The following IGF1R variants were observed in gnomAD, a reference collection of about 807,000 sequenced individuals.
IGF1R encodes the protein insulin like growth factor 1 receptor.
Under a neutral mutation model 144.6 loss-of-function variants are expected in IGF1R, and 44 were observed. That is an observed-to-expected ratio of 0.30 (90% CI 0.24 to 0.39). IGF1R has a LOEUF of 0.39. Among genes scored for constraint, IGF1R ranks in the 10% least tolerant of loss-of-function variants. IGF1R has a pLI of 1.00. For synonymous variants in IGF1R, 795 were observed against 722.8 expected (o/e 1.10, Z -1.60); for missense variants, 1,355 against 1,833.7 (o/e 0.74, Z 4.77).
chr15:98,843,813 GAGA>G (rs1369662992), intron 2 of IGF1R, among the ~76,000 whole-genome samples: 2 of 152,154 alleles, frequency 1.3e-5, no homozygotes, highest in Non-Finnish European at 2.9e-5. Flanking sequence ...ACAGTTGCTA[GAGA>G]AGAAGCTGCA....
chr15:98,772,455 T>G (rs1381555422), intron 2 of IGF1R, among the ~76,000 whole-genome samples: 1 of 145,864 alleles, frequency 6.9e-6, no homozygotes, highest in East Asian at 2.0e-4. Context: ...AAGGAAGACT[T>G]CATTCAAGAG....
At chr15:98,675,913 C>G (rs1167029135) in intron 1 of IGF1R, among the ~76,000 whole-genome samples, 1 of 150,988 alleles carries the variant, frequency 6.6e-6, no homozygotes, top group African/African-American at 2.4e-5. Flanking sequence ...GCAGCCTCCC[C>G]CTCCCCAGTC....
At chr15:98,872,902 G>C (rs976371533) in intron 2 of IGF1R, among the ~76,000 whole-genome samples, 1 of 151,580 alleles carries the variant, frequency 6.6e-6, no homozygotes, top group Admixed American at 6.6e-5. Context: ...ATGCAGCCAG[G>C]CTGGCATATA....
At chr15:98,751,006 A>C (rs1260258781) in intron 2 of IGF1R, among the ~76,000 whole-genome samples, 1 of 151,700 alleles carries the variant, frequency 6.6e-6, no homozygotes, top group South Asian at 2.1e-4. Flanking sequence ...GCCCAGGCTC[A>C]TCTCAAACTC....
chr15:98,849,491 C>T (rs1171134842), intron 2 of IGF1R, among the ~76,000 whole-genome samples: 1 of 152,164 alleles, frequency 6.6e-6, no homozygotes, highest in Non-Finnish European at 1.5e-5. Flanking sequence ...CTTTTTATAA[C>T]CTTGGAGCAG....
rs544408238 is a variant in IGF1R, at chr15:98,762,497, G to A, written c.640+54390G>A. 3.2e-3 allele frequency among the ~76,000 whole-genome samples: 483 copies of A among 152,324 alleles called. 2 individuals are homozygous for A. Among genetic ancestry groups the A allele is most frequent in the Non-Finnish European group, 5.2e-3 (354 of 68,034 alleles). On this transcript the variant is annotated intron_variant, in intron 2 of 20. Coordinates refer to ENST00000650285, the MANE Select transcript of IGF1R (RefSeq NM_000875.5). ...AATCCCATCACTTTGGGAGGCCAAG[G>A]CAGACAGATCACCTGAGGTCAGGAG...
intron 5 of IGF1R, 88 bp downstream of exon 5, chr15:98,899,709 C>G (rs1449613149): frequency 1.9e-5 from 26 of 1,339,834 alleles, no homozygotes; most frequent in Admixed American, 3.4e-5. Context: ...AAGAGCCCTC[C>G]CTGCCTTGTT....
intron 2 of IGF1R, among the ~76,000 whole-genome samples, chr15:98,849,947 G>A (rs1596357298): frequency 6.6e-6 from 1 of 152,306 alleles, no homozygotes; most frequent in East Asian, 1.9e-4. Flanking sequence ...TGGGAGGACG[G>A]CAGAATAGCA....
intron 2 of IGF1R, among the ~76,000 whole-genome samples, chr15:98,779,411 A>C (rs963059693): frequency 6.6e-6 from 1 of 152,222 alleles, no homozygotes; most frequent in African/African-American, 2.4e-5. Flanking sequence ...GCTCTGTGCT[A>C]TGTACCATTC....
At chr15:98,898,313 A>G (rs1333210290) in intron 4 of IGF1R, among the ~76,000 whole-genome samples, 30 of 152,230 alleles carry the variant, frequency 2.0e-4, no homozygotes, top group Non-Finnish European at 2.9e-5. Context: ...AAACCCATGG[A>G]GAAGTATCAT....
intron 2 of IGF1R, among the ~76,000 whole-genome samples, chr15:98,742,748 A>C (rs1208766881): frequency 6.6e-6 from 1 of 152,226 alleles, no homozygotes; most frequent in South Asian, 2.1e-4. Context: ...GCCTGCATCT[A>C]ATTGCACTCA....
intron 1 of IGF1R, among the ~76,000 whole-genome samples, chr15:98,688,604 A>G (rs2053396922): frequency 1.3e-5 from 2 of 152,136 alleles, no homozygotes; most frequent in African/African-American, 4.8e-5. Context: ...CCACCTTGCC[A>G]TTAGCTGGTG....
intron 2 of IGF1R, among the ~76,000 whole-genome samples, chr15:98,847,701 C>T (rs556205269): frequency 4.2e-4 from 64 of 152,212 alleles, no homozygotes; most frequent in Non-Finnish European, 7.2e-4. Context: ...GTTCCAGAAT[C>T]GTCTGGATCT....
At chr15:98,705,493 G>C (rs2053839407) in intron 1 of IGF1R, among the ~76,000 whole-genome samples, 1 of 152,166 alleles carries the variant, frequency 6.6e-6, no homozygotes. Context: ...CCTTTAAAAT[G>C]GGTGTTTGCC....
intron 1 of IGF1R, among the ~76,000 whole-genome samples, chr15:98,650,563 T>C (rs989131307): frequency 1.3e-5 from 2 of 152,206 alleles, no homozygotes; most frequent in Admixed American, 1.3e-4. Context: ...CGTTGGTGGG[T>C]GTGTGGTCGG....
At chr15:98,663,006 G>T (rs1414406411) in intron 1 of IGF1R, among the ~76,000 whole-genome samples, 1 of 152,198 alleles carries the variant, frequency 6.6e-6, no homozygotes, top group Non-Finnish European at 1.5e-5. Context: ...ATGGAGTCAG[G>T]ATTGGGGGAC....
rs184317505 is a variant in IGF1R at position 98,821,352 on chromosome 15, T to G, written c.641-69973T>G. ...CCCTGCCTCCCTAGAATTAGCTGCTTCTTACCTCCCTTGGATCTGGAACTT... is the reference window on the plus strand; with the variant it reads ...CCCTGCCTCCCTAGAATTAGCTGCTGCTTACCTCCCTTGGATCTGGAACTT... On this transcript the variant is annotated intron_variant, in intron 2 of 20. Coordinates refer to ENST00000650285, the MANE Select transcript of IGF1R (RefSeq NM_000875.5). Among the ~76,000 whole-genome samples, 98 of 152,120 alleles carry G rather than the reference T, an allele frequency of 6.4e-4. 2 individuals carry two copies. Among genetic ancestry groups the G allele is most frequent in the Middle Eastern group, 6.8e-3 (2 of 294 alleles).
chr15:98,906,201 G>A (rs1055624270), intron 5 of IGF1R, among the ~76,000 whole-genome samples: 8 of 152,222 alleles, frequency 5.3e-5, no homozygotes, highest in Admixed American at 1.3e-4. Flanking sequence ...GCTTCCTCCC[G>A]TGGGGGAGAA....
At chr15:98,871,529 C>G (rs1226196446) in intron 2 of IGF1R, among the ~76,000 whole-genome samples, 2 of 152,194 alleles carry the variant, frequency 1.3e-5, no homozygotes, top group African/African-American at 4.8e-5. Context: ...AGTCCATTTT[C>G]ACACTGCTGA....
Sources: allele counts gnomAD v4.1 joint callset (sites outside exome capture counted in the v4.1 genomes callset), GRCh38; gene constraint gnomAD v4.1.1; transcripts MANE v1.5; gene names NCBI Gene and HGNC (gene_info 2026-07-23, HGNC 2026-07-21).